The following ADAM28 variants were observed in gnomAD, a reference collection of about 807,000 sequenced individuals.
ADAM28 encodes the protein disintegrin and metalloproteinase domain-containing protein 28.
ADAM28 carries 105 observed loss-of-function variants against 101.2 expected under a neutral mutation model. The observed-to-expected ratio is 1.04, with a 90% CI of 0.89 to 1.22. The LOEUF (loss-of-function observed/expected upper bound fraction) is 1.22, where lower values mean the gene tolerates loss of function less well. Ranked by LOEUF, ADAM28 falls within the 50% of genes most tolerant of loss-of-function variation. The pLI, the probability that ADAM28 is intolerant of heterozygous loss-of-function variation, is 0.00. For synonymous variants in ADAM28, 322 were observed against 310.6 expected, an observed-to-expected ratio of 1.04 and a Z score of -0.39; for missense variants, 1,028 against 945.4, an observed-to-expected ratio of 1.09 and a Z score of -1.15.
intron 8 of ADAM28, 81 bp downstream of exon 8, chr8:24,321,370 C>T: frequency 8.6e-7 from 1 of 1,168,628 alleles, no homozygotes. Context: ...GCACATGAAG[C>T]ATGGAAGCAA....
intron 5 of ADAM28, 64 bp from the exon 6 acceptor site, chr8:24,313,324 T>C (rs1810717565): frequency 2.1e-6 from 3 of 1,441,752 alleles, no homozygotes; most frequent in Non-Finnish European, 2.8e-6. Flanking sequence ...TTGGATCTTA[T>C]AAATCTGTAT....
chr8:24,353,648 G>C, intron 21 of ADAM28, 122 bp from the exon 22 acceptor site: 2 of 725,614 alleles, frequency 2.8e-6, no homozygotes, highest in Non-Finnish European at 4.7e-6. Context: ...CTTGAAAGTT[G>C]GGTAGAATTT....
In ADAM28 at chr8:24,355,011, TAAATGGAGAA is replaced by T. The variant is rs1180597247; in HGVS notation, c.*610_*619del. ...CATGGTTAAAGTGGTTTTCACTTTT[TAAATGGAGAA>T]AATTTCAGTTAAATTAATAGGATAA... On this transcript the variant is annotated 3_prime_UTR_variant, in exon 23 of 23. Transcript: ENST00000265769. The T allele has an allele frequency of 6.6e-6, 1 of 152,598 alleles. No individual in the cohort carries two copies. The highest frequency in any genetic ancestry group is 2.4e-5 in the African/African-American group (1 of 41,462). 9.5% of individuals were successfully genotyped at this position (152,598 alleles called of 1,614,324 possible).
At chr8:24,348,387 A>C (rs2129337001) in intron 18 of ADAM28, among the ~76,000 whole-genome samples, 2 of 152,130 alleles carry the variant, frequency 1.3e-5, no homozygotes, top group South Asian at 4.2e-4. Context: ...ATGGTAACAA[A>C]TACTCCATAA....
intron 10 of ADAM28, among the ~76,000 whole-genome samples, chr8:24,326,901 AAAT>A (rs758938050): frequency 6.6e-6 from 1 of 152,010 alleles, no homozygotes; most frequent in African/African-American, 2.4e-5. Context: ...ACATATCTCA[AAAT>A]AATAGCTATT....
intron 6 of ADAM28, among the ~76,000 whole-genome samples, chr8:24,315,979 T>C (rs1379851474): frequency 6.6e-6 from 1 of 151,930 alleles, no homozygotes; most frequent in Non-Finnish European, 1.5e-5. Context: ...AAAGTTTAGG[T>C]AGTTAAATAA....
In ADAM28 at chr8:24,309,771, G is replaced by A. The variant is rs150938552; in HGVS notation, c.151-123G>A. The A allele has an allele frequency of 5.8e-4, 385 of 662,168 alleles. 2 individuals carry two copies. In the African/African-American group the frequency reaches 6.5e-3, roughly 11 times the overall value. 41.0% of individuals were successfully genotyped at this position (662,168 alleles called of 1,614,324 possible). ...GTTTGATCTGTCAAGAGGGGAAGAGGCAAGTATTTGGTATTATACTGCTAA... is the reference window on the plus strand; with the variant it reads ...GTTTGATCTGTCAAGAGGGGAAGAGACAAGTATTTGGTATTATACTGCTAA... On this transcript the variant is annotated intron_variant, in intron 2 of 22. Coordinates refer to ENST00000265769, the MANE Select transcript of ADAM28 (RefSeq NM_014265.6).
chr8:24,313,684 A>G (rs1810776123), intron 6 of ADAM28, 104 bp downstream of exon 6: 2 of 1,200,172 alleles, frequency 1.7e-6, no homozygotes, highest in Admixed American at 2.2e-5. Flanking sequence ...CAAAATTAGT[A>G]AGTTATAGAG....
chr8:24,354,323 T>A (rs529907088), intron 22 of ADAM28, 61 bp from the exon 23 acceptor site: 150 of 1,385,100 alleles, frequency 1.1e-4, no homozygotes, highest in Non-Finnish European at 1.4e-4. Context: ...TTCAGCTTCA[T>A]AATAGTAAAT....
intron 8 of ADAM28, among the ~76,000 whole-genome samples, chr8:24,322,847 T>C (rs1812062319): frequency 6.6e-6 from 1 of 152,048 alleles, no homozygotes; most frequent in African/African-American, 2.4e-5. Flanking sequence ...CTGGTGAGAA[T>C]GTCTGTCACT....
At chr8:24,328,845 C>G (rs1157191938) in intron 10 of ADAM28, among the ~76,000 whole-genome samples, 1 of 151,346 alleles carries the variant, frequency 6.6e-6, no homozygotes, top group Non-Finnish European at 1.5e-5. Flanking sequence ...CACTTGAACC[C>G]AGGAGGCGGA....
intron 2 of ADAM28, among the ~76,000 whole-genome samples, chr8:24,306,587 G>C (rs893604260): frequency 5.9e-5 from 9 of 151,512 alleles, no homozygotes; most frequent in Admixed American, 5.9e-4. Flanking sequence ...AGAAATATAG[G>C]ATGCCCAGTT....
Position 24,356,283 on chromosome 8 carries a change from T to TCCCC in ADAM28, c.*1879_*1880insCCCC, listed in dbSNP as rs1482668677. ...TGTGAACTTTTCTGTGTTGTTGTTG[T>TCCCC]TGTTTTTTAAATATCTGTCCCCAGT... On this transcript the variant is annotated 3_prime_UTR_variant, in exon 23 of 23. Coordinates refer to ENST00000265769, the MANE Select transcript of ADAM28 (RefSeq NM_014265.6). 5 of 152,216 alleles carry TCCCC rather than the reference T, an allele frequency of 3.3e-5. No homozygotes were observed. Among genetic ancestry groups the TCCCC allele is most frequent in the African/African-American group, 4.8e-5 (2 of 41,442 alleles). 9.4% of individuals were successfully genotyped at this position (152,216 alleles called of 1,614,324 possible).
At position 24,313,483 on chromosome 8, in the gene ADAM28, C is replaced by A; in HGVS notation, c.479C>A (p.Pro160His). ...GAGCATGCACTCTTCAAGTATAACCCTGATGAAAAGAATTATGACAGCACC... is the reference window on the plus strand; with the variant it reads ...GAGCATGCACTCTTCAAGTATAACCATGATGAAAAGAATTATGACAGCACC... ...GQEHALFKYN[P>H]DEKNYDSTCG... is the part of the protein sequence containing the mutation. The change falls in exon 6 of 23, where the codon CCT becomes CAT. Residue 160 changes from proline (P) to histidine (H), a missense_variant. Transcript: ENST00000265769. 1 of 1,613,842 alleles carries A rather than the reference C, an allele frequency of 6.2e-7. No homozygotes were observed. Among genetic ancestry groups the A allele is most frequent in the Non-Finnish European group, 8.5e-7 (1 of 1,179,872 alleles).
rs751669204 is a variant in ADAM28 at position 24,311,375 on chromosome 8, T to C, written c.321T>C (p.Tyr107=). 1 of 1,612,980 alleles carries C rather than the reference T, an allele frequency of 6.2e-7. No individual in the cohort carries two copies. Among genetic ancestry groups the C allele is most frequent in the South Asian group, 1.1e-5 (1 of 90,930 alleles). The change falls in exon 5 of 23, where the codon TAT becomes TAC. Residue 107 remains tyrosine (Y), a synonymous_variant. Coordinates refer to ENST00000265769, the MANE Select transcript of ADAM28 (RefSeq NM_014265.6). ...TSPQIMDDCY[Y]QGHILNEKVS... is the part of the protein sequence containing the mutation. ...TTTTCCTTTAGGATGATTGTTATTA[T>C]CAAGGACATATTCTTAATGAAAAGG...
chr8:24,331,473 A>C (rs1264191188), intron 12 of ADAM28, 146 bp downstream of exon 12: 3 of 809,832 alleles, frequency 3.7e-6, no homozygotes, highest in Middle Eastern at 5.6e-4. Flanking sequence ...TTCCAGGAAA[A>C]TCTTTCTGAC....
rs1001404507 is a variant in ADAM28 at position 24,356,891 on chromosome 8, T to G, written c.*2487T>G. 2.6e-5 allele frequency: 4 copies of G among 152,204 alleles called. No homozygotes were observed. The highest frequency in any genetic ancestry group is 4.4e-5 in the Non-Finnish European group (3 of 68,016). The allele number at this position is 152,204 out of a possible 1,614,324, so 9.4% of individuals were successfully genotyped here. A position where few individuals can be genotyped will look rare whatever the true frequency, so the allele number is the denominator to read the frequency against. On this transcript the variant is annotated 3_prime_UTR_variant, in exon 23 of 23. Transcript: ENST00000265769. The stretch of plus-strand genomic sequence containing the variant: ...ATGGCCTTTGGGAAGGCTTTTAGCT[T>G]TTTATAAAATAATGAAGTATGCATG...
intron 2 of ADAM28, among the ~76,000 whole-genome samples, chr8:24,304,440 G>A (rs1182975959): frequency 6.6e-6 from 1 of 151,968 alleles, no homozygotes; most frequent in Non-Finnish European, 1.5e-5. Context: ...CATTCTCTCT[G>A]TATAAATTTA....
At chr8:24,345,596 G>T (rs1287758014) in intron 18 of ADAM28, among the ~76,000 whole-genome samples, 1 of 151,650 alleles carries the variant, frequency 6.6e-6, no homozygotes, top group Non-Finnish European at 1.5e-5. Flanking sequence ...TATTTTAATT[G>T]CATTGAGAGT....
Sources: gnomAD v4.1 joint callset for allele counts (sites outside exome capture counted in the v4.1 genomes callset) on GRCh38, gnomAD v4.1.1 for gene constraint, MANE v1.5 for transcripts, NCBI Gene and HGNC (gene_info 2026-07-23, HGNC 2026-07-21) for gene names.